RUNX2: variants seen among roughly 807,000 people sequenced by gnomAD.
The protein encoded by RUNX2 is runt-related transcription factor 2.
A neutral mutation model predicts 51.7 loss-of-function variants in RUNX2; 10 were observed. The ratio of observed to expected loss-of-function variants is 0.19; its 90% CI spans 0.12 to 0.33. The LOEUF (loss-of-function observed/expected upper bound fraction) is 0.33, where lower values mean the gene tolerates loss of function less well. Among genes scored for constraint, RUNX2 ranks in the 10% least tolerant of loss-of-function variants. The pLI is 1.00. For synonymous variants in RUNX2, 276 were observed against 273.6 expected, an observed-to-expected ratio of 1.01 and a Z score of -0.09; for missense variants, 562 against 691.3, an observed-to-expected ratio of 0.81 and a Z score of 2.10.
intron 2 of RUNX2, among the ~76,000 whole-genome samples, chr6:45,334,167 T>A (rs929848552): frequency 6.6e-6 from 1 of 151,180 alleles, no homozygotes; most frequent in Non-Finnish European, 1.5e-5. Flanking sequence ...AAAAGGTATA[T>A]CTAAATATCC....
rs142301498 is a variant in RUNX2 at position 45,547,583 on chromosome 6, G to A, written c.*278G>A. The A allele has an allele frequency of 3.2e-3, 1,524 of 478,932 alleles. 16 individuals are homozygous for A. The highest frequency in any genetic ancestry group is 0.027 in the African/African-American group (1,408 of 51,294). 29.7% of individuals were successfully genotyped at this position (478,932 alleles called of 1,614,324 possible). On this transcript the variant is annotated 3_prime_UTR_variant, in exon 9 of 9. Transcript: ENST00000647337. ...TACAAAGGAACAAAGAAGGGAAAAG[G>A]TATTTTTGTTTTTGTTGTTTGGTCT...
intron 3 of RUNX2, 98 bp downstream of exon 3, chr6:45,423,055 A>C: frequency 6.7e-7 from 1 of 1,492,188 alleles, no homozygotes; most frequent in Non-Finnish European, 9.0e-7. Context: ...ACGTCCTCCA[A>C]GACCTCCTGC....
chr6:45,365,240 C>A (rs1794928615), intron 2 of RUNX2: 1 of 1,612,398 alleles, frequency 6.2e-7, no homozygotes, highest in Non-Finnish European at 8.5e-7. Flanking sequence ...TATAGACTTC[C>A]CTGTACTCCT....
chr6:45,432,054 A>G, intron 4 of RUNX2, 35 bp downstream of exon 4: 1 of 1,603,202 alleles, frequency 6.2e-7, no homozygotes, highest in Non-Finnish European at 8.5e-7. Flanking sequence ...ATAATAGAAT[A>G]AGCACATTAG....
intron 6 of RUNX2, among the ~76,000 whole-genome samples, chr6:45,505,948 A>G (rs1269931155): frequency 2.0e-5 from 3 of 152,212 alleles, no homozygotes; most frequent in Non-Finnish European, 4.4e-5. Context: ...GGGATTCCTT[A>G]TGACAGATGA....
intron 5 of RUNX2, among the ~76,000 whole-genome samples, chr6:45,463,172 T>C (rs1346342164): frequency 6.6e-6 from 1 of 152,248 alleles, no homozygotes; most frequent in Non-Finnish European, 1.5e-5. Flanking sequence ...CTTTTCTTTT[T>C]GGTCTTGTAA....
chr6:45,472,229 A>G (rs1244516045), intron 5 of RUNX2, among the ~76,000 whole-genome samples: 4 of 152,180 alleles, frequency 2.6e-5, no homozygotes, highest in Non-Finnish European at 5.9e-5. Flanking sequence ...ACTAGATGTA[A>G]AGGTATTACT....
chr6:45,378,361 C>G (rs1400715510), intron 2 of RUNX2, among the ~76,000 whole-genome samples: 2 of 152,220 alleles, frequency 1.3e-5, no homozygotes, highest in African/African-American at 4.8e-5. Context: ...TTCTAAGCTT[C>G]TTTCCAGGAA....
chr6:45,531,715 T>C (rs1054731500), intron 7 of RUNX2, among the ~76,000 whole-genome samples: 22 of 151,964 alleles, frequency 1.4e-4, no homozygotes, highest in African/African-American at 5.3e-4. Context: ...ATGGCGCCAC[T>C]GCACTCCAGT....
chr6:45,363,423 A>T (rs1243026787), intron 2 of RUNX2, among the ~76,000 whole-genome samples: 1 of 152,208 alleles, frequency 6.6e-6, no homozygotes, highest in African/African-American at 2.4e-5. Flanking sequence ...GAAAGGTTAA[A>T]TAAGACTGGA....
At chr6:45,353,842 G>C (rs112723382) in intron 2 of RUNX2, among the ~76,000 whole-genome samples, 3,861 of 150,876 alleles carry the variant, frequency 0.026, 191 homozygotes, top group African/African-American at 0.088. Context: ...TGCTGGCGGG[G>C]AAAATAGGGA....
intron 2 of RUNX2, among the ~76,000 whole-genome samples, chr6:45,341,650 A>G (rs1275935103): frequency 6.6e-6 from 1 of 152,238 alleles, no homozygotes; most frequent in East Asian, 1.9e-4. Flanking sequence ...ACAAAAAGAA[A>G]GGAATGAAAT....
Position 45,547,062 on chromosome 6 carries a change from C to G in RUNX2, c.1323C>G (p.Ser441Arg), listed in dbSNP as rs974164696. Residue 441 changes from serine (S) to arginine (R), a missense_variant, in exon 9 of 9, where the codon AGC becomes AGG. This residue lies in a region of RUNX2 where 304 missense variants were observed against 353.2 expected (regional missense o/e 0.86). Coordinates refer to ENST00000647337, the MANE Select transcript of RUNX2 (RefSeq NM_001024630.4). ...AGAGTGGACCCTTCCAGACCAGCAG[C>G]ACTCCATATCTCTACTATGGCACTT... ...QSQSGPFQTS[S>R]TPYLYYGTSS... 1 of 1,614,044 alleles carries G rather than the reference C, an allele frequency of 6.2e-7. No individual in the cohort carries two copies. The highest frequency in any genetic ancestry group is 8.5e-7 in the Non-Finnish European group (1 of 1,180,046).
At chr6:45,349,898 T>C (rs1412887750) in intron 2 of RUNX2, among the ~76,000 whole-genome samples, 3 of 152,216 alleles carry the variant, frequency 2.0e-5, no homozygotes, top group Non-Finnish European at 4.4e-5. Context: ...AATAAAAAGA[T>C]CTTTGCTTCA....
intron 6 of RUNX2, among the ~76,000 whole-genome samples, chr6:45,508,309 A>G (rs933401474): frequency 6.9e-6 from 1 of 144,508 alleles, no homozygotes; most frequent in Admixed American, 7.3e-5. Context: ...GCTCACCGCA[A>G]CCTCCGCCTC....
chr6:45,417,975 G>A (rs1475183517), intron 2 of RUNX2, among the ~76,000 whole-genome samples: 2 of 152,202 alleles, frequency 1.3e-5, no homozygotes, highest in East Asian at 3.8e-4. Flanking sequence ...TTCAAGGGCT[G>A]AGTAACCTTC....
At chr6:45,377,781 A>T (rs1797036533) in intron 2 of RUNX2, 1 of 152,090 alleles carries the variant, frequency 6.6e-6, no homozygotes, top group Admixed American at 6.6e-5. Flanking sequence ...TGCTTTAAGA[A>T]CCCTTGGAGG....
Position 45,438,001 on chromosome 6 carries a change from C to T in RUNX2, c.635C>T (p.Thr212Ile). Residue 212 changes from threonine to isoleucine, a missense_variant, in exon 5 of 9, where the codon ACC (threonine) becomes ATC (isoleucine). Around this residue, in one of 5 missense-constraint regions of RUNX2, gnomAD observed 37 missense variants for 66.5 expected, o/e 0.56. Transcript: ENST00000647337. Reference protein sequence around the residue: ...TVFTNPPQVATYHRAIKVTVD... With the variant: ...TVFTNPPQVAIYHRAIKVTVD... ...TTCACAAATCCTCCCCAAGTAGCTA[C>T]CTATCACAGAGCAATTAAAGTTACA... is the stretch of plus-strand genomic sequence containing the variant. 1 of 1,613,574 alleles carries T rather than the reference C, an allele frequency of 6.2e-7. No homozygotes were observed. The highest frequency in any genetic ancestry group is 1.1e-5 in the South Asian group (1 of 91,072).
At chr6:45,453,683 G>A (rs906574774) in intron 5 of RUNX2, among the ~76,000 whole-genome samples, 1 of 152,212 alleles carries the variant, frequency 6.6e-6, no homozygotes, top group African/African-American at 2.4e-5. Flanking sequence ...CTTTTATGAA[G>A]GTCTTGAGAT....
Sources: allele counts gnomAD v4.1 joint callset (sites outside exome capture counted in the v4.1 genomes callset), GRCh38; gene constraint gnomAD v4.1.1; regional missense constraint gnomAD v4.1.1; transcripts MANE v1.5; gene names NCBI Gene and HGNC (gene_info 2026-07-23, HGNC 2026-07-21).